ARHGEF18: variants seen among roughly 807,000 people sequenced by gnomAD.
ARHGEF18 encodes the protein Rho/Rac guanine nucleotide exchange factor 18.
In ARHGEF18, 93 loss-of-function variants were observed where a neutral mutation model predicts 155.7. The ratio of observed to expected loss-of-function variants is 0.60; its 90% confidence interval spans 0.50 to 0.71. The LOEUF is 0.71. Among genes scored for constraint, ARHGEF18 ranks in the 30% least tolerant of loss-of-function variants. ARHGEF18 has a pLI of 0.00. For synonymous variants in ARHGEF18, 742 were observed against 753.1 expected (o/e 0.99, Z 0.24); for missense variants, 1,593 against 1,816.1 (o/e 0.88, Z 2.23).
At chr19:7,474,959 C>T (rs894477789), downstream of ARHGEF18, among the ~76,000 whole-genome samples, 10 of 152,072 alleles carry the variant, frequency 6.6e-5, no homozygotes, top group Non-Finnish European at 1.3e-4. Context: ...AGTGGCTGGG[C>T]ACGGTGGCCC....
Position 7,459,212 on chromosome 19 carries a change from A to ATTTTG in ARHGEF18, c.2360+542_2360+546dup, listed in dbSNP as rs572659018. ...AGGCGTGAGCCACTGCGCCCAGCCT[A>ATTTTG]TTTTGTTTTGTTTTGTTTTGTTTTT... On this transcript the variant is annotated intron_variant, in intron 19 of 28. Transcript: ENST00000668164. 3.0e-3 allele frequency among the ~76,000 whole-genome samples: 442 copies of ATTTTG among 148,772 alleles called. 1 individual carries two copies. Among genetic ancestry groups the ATTTTG allele is most frequent in the African/African-American group, 0.01 (415 of 40,240 alleles).
At chr19:7,477,894 T>C in the ARHGEF18 span, among the ~76,000 whole-genome samples, 2 of 152,164 alleles carry the variant, frequency 1.3e-5, no homozygotes, top group African/African-American at 4.8e-5. Flanking sequence ...TGCTGGCCCG[T>C]GCCTGTAGTC....
At chr19:7,375,440 GAA>G (rs1457296897) in intron 3 of ARHGEF18, among the ~76,000 whole-genome samples, 4 of 151,642 alleles carry the variant, frequency 2.6e-5, no homozygotes, top group Non-Finnish European at 5.9e-5. Flanking sequence ...AGGAAGAAAA[GAA>G]AAGAAAGAAA....
intron 8 of ARHGEF18, among the ~76,000 whole-genome samples, chr19:7,382,222 C>T (rs1230000546): frequency 2.0e-5 from 3 of 151,876 alleles, no homozygotes; most frequent in South Asian, 2.1e-4. Context: ...GGTGAAACCC[C>T]ACCTCTACTA....
intron 13 of ARHGEF18, among the ~76,000 whole-genome samples, chr19:7,443,107 G>C (rs1376657463): frequency 7.1e-6 from 1 of 141,540 alleles, no homozygotes; most frequent in Non-Finnish European, 1.5e-5. Context: ...CTGTCGCCCA[G>C]GCTGGAGTGC....
chr19:7,378,302 G>A, intron 5 of ARHGEF18, 92 bp from the exon 6 acceptor site: 2 of 971,500 alleles, frequency 2.1e-6, no homozygotes, highest in Non-Finnish European at 2.7e-6. Flanking sequence ...TTCTGCAGGG[G>A]CCCAGGGTGG....
At chr19:7,384,992 G>T (rs893056753) in intron 10 of ARHGEF18, among the ~76,000 whole-genome samples, 2 of 152,176 alleles carry the variant, frequency 1.3e-5, no homozygotes, top group African/African-American at 4.8e-5. Flanking sequence ...ACCTCACCCA[G>T]CCTTTGCCAA....
rs1270820955 is a variant in ARHGEF18, at chr19:7,439,937, G to A, written c.968-407G>A. On this transcript the variant is annotated intron_variant, in intron 10 of 28. Coordinates refer to ENST00000668164, the MANE Select transcript of ARHGEF18 (RefSeq NM_001367823.1). ...AGCAGCAAATACTGCAATTTCCACA[G>A]TAAATGGTCACAGTGGGGACCAATA... 30 of 1,495,320 alleles carry A rather than the reference G, an allele frequency of 2.0e-5. No homozygotes were observed. The East Asian group carries it at 6.5e-4, about 32-fold the overall frequency. 92.6% of individuals were successfully genotyped at this position (1,495,320 alleles called of 1,614,324 possible).
intron 10 of ARHGEF18, among the ~76,000 whole-genome samples, chr19:7,425,671 G>A (rs1260293572): frequency 2.8e-5 from 4 of 142,974 alleles, no homozygotes; most frequent in African/African-American, 1.1e-4. Context: ...GACAGAGTGA[G>A]ACTCCGTCTC....
At chr19:7,465,288 G>A (rs140239570) in intron 23 of ARHGEF18, among the ~76,000 whole-genome samples, 6 of 152,282 alleles carry the variant, frequency 3.9e-5, no homozygotes, top group East Asian at 1.9e-4. Context: ...GTCATGACCC[G>A]GTCCTGGGTC....
rs1262481275 is a variant in ARHGEF18 at position 7,441,952 on chromosome 19, C to T, written c.1260C>T (p.Asp420=). ...CGCTGAGGAGTGAGATTGAGTCAGA[C>T]GGCCACGAGTTTGAAGCTGAGTCCT... is the stretch of plus-strand genomic sequence containing the variant. ...TASLRSEIES[D]GHEFEAESWS... is the part of the protein sequence containing the mutation. The change falls in exon 13 of 29, where the codon GAC becomes GAT. Residue 420 remains aspartate (D), a synonymous_variant. Transcript: ENST00000668164. The T allele has an allele frequency of 8.1e-6, 13 of 1,613,978 alleles. No individual in the cohort carries two copies. Among genetic ancestry groups the T allele is most frequent in the African/African-American group, 1.3e-5 (1 of 74,916 alleles).
chr19:7,394,528 C>T (rs371972013), intron 10 of ARHGEF18, among the ~76,000 whole-genome samples: 1 of 152,048 alleles, frequency 6.6e-6, no homozygotes, highest in Non-Finnish European at 1.5e-5. Context: ...ACACCCCCAG[C>T]TCCACTGTCC....
chr19:7,455,122 G>A (rs1975745400), intron 17 of ARHGEF18, among the ~76,000 whole-genome samples: 1 of 152,158 alleles, frequency 6.6e-6, no homozygotes, highest in African/African-American at 2.4e-5. Flanking sequence ...CATTGAGGTG[G>A]CCAAATGACA....
chr19:7,362,939 G>A lies in ARHGEF18; in HGVS notation c.15+34G>A, dbSNP rs541946397. On this transcript the variant is annotated intron_variant, in intron 2 of 28. Coordinates refer to ENST00000668164, the MANE Select transcript of ARHGEF18 (RefSeq NM_001367823.1). ...CTGACTGCTGAAACGGGCAGGAGCT[G>A]ATGACGACAGTGGCAGCAAGTACAC... The A allele has an allele frequency of 1.7e-4, 213 of 1,234,388 alleles. No homozygotes were observed. In the African/African-American group the frequency reaches 3.1e-3, roughly 18 times the overall value. 76.5% of individuals were successfully genotyped at this position (1,234,388 alleles called of 1,614,324 possible). A position where few individuals can be genotyped will look rare whatever the true frequency, so the allele number is the denominator to read the frequency against.
chr19:7,416,578 T>TGTGTGTGTGTG (rs1555714166), intron 10 of ARHGEF18, among the ~76,000 whole-genome samples: 12 of 132,500 alleles, frequency 9.1e-5, no homozygotes, highest in African/African-American at 2.7e-4. Context: ...TGTGTGTGTG[T>TGTGTGTGTGTG]TTTGGGGTGG....
Position 7,379,117 on chromosome 19 carries a change from C to A in ARHGEF18, c.600-5C>A. 8.1e-7 allele frequency: 1 copy of A among 1,232,448 alleles called. No individual in the cohort carries two copies. Among genetic ancestry groups the A allele is most frequent in the Non-Finnish European group, 1.0e-6 (1 of 988,224 alleles). The allele number at this position is 1,232,448 out of a possible 1,614,324, so 76.3% of individuals were successfully genotyped here. On this transcript the variant is annotated splice_polypyrimidine_tract_variant and splice_region_variant and intron_variant, in intron 6 of 28. Coordinates refer to ENST00000668164, the MANE Select transcript of ARHGEF18 (RefSeq NM_001367823.1). ...GCTGTTCTAATCCCACCTCCACCCC[C>A]ACAGGCTGATTGTCCAGCAGGTGCT...
At chr19:7,469,576 C>G (rs1245888756) in intron 27 of ARHGEF18, among the ~76,000 whole-genome samples, 3 of 152,196 alleles carry the variant, frequency 2.0e-5, no homozygotes, top group Non-Finnish European at 4.4e-5. Context: ...TGGGGGACAC[C>G]TCCCTGGGGG....
Position 7,462,567 on chromosome 19 carries a change from T to TC in ARHGEF18, c.2635+237dup, listed in dbSNP as rs370180888. ...CTCCTTGCAGACATAAAGCACTTTCTCCCCGTTCAACAACCGCTCTGATGC... is the reference window on the plus strand; with the variant it reads ...CTCCTTGCAGACATAAAGCACTTTCTCCCCCGTTCAACAACCGCTCTGATGC... On this transcript the variant is annotated intron_variant, in intron 21 of 28. Coordinates refer to ENST00000668164, the MANE Select transcript of ARHGEF18 (RefSeq NM_001367823.1). The surrounding 1 kb of genome is among the most constrained non-coding windows in gnomAD (Gnocchi z 4.4). Among the ~76,000 whole-genome samples the TC allele has an allele frequency of 3.9e-4, 60 of 152,024 alleles. No homozygotes were observed. Among genetic ancestry groups the TC allele is most frequent in the African/African-American group, 1.3e-3 (53 of 41,316 alleles).
intron 1 of ARHGEF18, among the ~76,000 whole-genome samples, chr19:7,362,172 GAA>G (rs1969639438): frequency 2.1e-5 from 1 of 46,640 alleles, no homozygotes; most frequent in African/African-American, 1.1e-4. Flanking sequence ...AGAAGGAGAA[GAA>G]GGAGAAGAAG....
Sources: gnomAD v4.1 joint callset for allele counts (sites outside exome capture counted in the v4.1 genomes callset) on GRCh38, gnomAD v4.1.1 for gene constraint, Gnocchi (gnomAD v3.1) non-coding constraint, MANE v1.5 for transcripts, NCBI Gene and HGNC (gene_info 2026-07-23, HGNC 2026-07-21) for gene names.